Variants in ARSG observed in about 807,000 individuals in gnomAD.
ARSG encodes ASG.
ARSG carries 37 observed loss-of-function variants against 50.5 expected under a neutral mutation model. That is an observed-to-expected ratio of 0.73 (90% CI 0.56 to 0.96). The LOEUF is 0.96. Ranked by LOEUF, ARSG falls within the 50% of genes least tolerant of loss-of-function variation. ARSG has a pLI of 0.00. For missense variants in ARSG, 629 were observed against 675.3 expected, an observed-to-expected ratio of 0.93 and a Z score of 0.76; for synonymous variants, 225 against 254.6, an observed-to-expected ratio of 0.88 and a Z score of 1.11.
rs911513826 is a variant in ARSG at position 68,339,322 on chromosome 17, T to A, written c.219-4282T>A. Among the ~76,000 whole-genome samples, 8 of 151,900 alleles carry A rather than the reference T, an allele frequency of 5.3e-5. No homozygotes were observed. The South Asian group carries it at 6.2e-4, about 12-fold the overall frequency. On this transcript the variant is annotated intron_variant, in intron 2 of 11. Coordinates refer to ENST00000621439, the MANE Select transcript of ARSG (RefSeq NM_001267727.2). ...CAAAAAGAGAAAAATAAATAAAAAT[T>A]AAAATTAAAAAAATAAAAAAGAGGA... is the stretch of plus-strand genomic sequence containing the variant.
At chr17:68,327,088 A>C (rs531778232) in intron 2 of ARSG, among the ~76,000 whole-genome samples, 1 of 152,212 alleles carries the variant, frequency 6.6e-6, no homozygotes, top group Non-Finnish European at 1.5e-5. Context: ...TTGTGATAAT[A>C]GTAGGTTCTG....
intron 4 of ARSG, among the ~76,000 whole-genome samples, chr17:68,347,839 C>T (rs146604348): frequency 3.1e-4 from 47 of 152,322 alleles, no homozygotes; most frequent in African/African-American, 1.1e-3. Flanking sequence ...CTGTCCCTGG[C>T]CCCTTCCTCT....
chr17:68,289,342 T>G (rs2075914043), upstream of ARSG, among the ~76,000 whole-genome samples: 1 of 152,154 alleles, frequency 6.6e-6, no homozygotes, highest in African/African-American at 2.4e-5. Context: ...AAATCCGCTA[T>G]CCTTGGGAGT....
At chr17:68,434,764 T>A in the ARSG span, 3 of 762,282 alleles carry the variant, frequency 3.9e-6, no homozygotes, top group Non-Finnish European at 6.3e-6. Context: ...CATAGAGGCA[T>A]GTTTATTTAT....
the ARSG span, chr17:68,430,140 G>A: frequency 9.9e-6 from 16 of 1,613,580 alleles, no homozygotes; most frequent in Non-Finnish European, 1.2e-5. Context: ...GCCACTCCAG[G>A]TCGAAGGCTC....
intron 11 of ARSG, among the ~76,000 whole-genome samples, chr17:68,402,651 A>C (rs8072967): frequency 0.024 from 3,688 of 151,992 alleles, 152 homozygotes; most frequent in African/African-American, 0.084. Context: ...CAGCCTCCCG[A>C]GTAGCTGGGA....
chr17:68,370,543 G>A lies in ARSG; in HGVS notation c.982+19G>A. 6.2e-7 allele frequency: 1 copy of A among 1,610,564 alleles called. No individual in the cohort carries two copies. Among genetic ancestry groups the A allele is most frequent in the South Asian group, 1.1e-5 (1 of 90,884 alleles). On this transcript the variant is annotated intron_variant, in intron 8 of 11. Transcript: ENST00000621439. ...CGTCAAGGTAAGGGGCTCAGCTGGG[G>A]TTGGTGGATCCCATTGCAATGCTGA...
chr17:68,281,052 G>T (rs1333345948), intron 1 of ARSG, among the ~76,000 whole-genome samples: 1 of 151,736 alleles, frequency 6.6e-6, no homozygotes, highest in East Asian at 1.9e-4. Flanking sequence ...CTTGAATCCA[G>T]GAGGTGGAGG....
the ARSG span, chr17:68,428,722 G>A: frequency 4.7e-6 from 4 of 851,760 alleles, no homozygotes; most frequent in Non-Finnish European, 7.5e-6. Flanking sequence ...GACTGCCAGT[G>A]AAGAACAAAT....
At chr17:68,354,329 G>A (rs1310060972) in intron 5 of ARSG, among the ~76,000 whole-genome samples, 1 of 151,348 alleles carries the variant, frequency 6.6e-6, no homozygotes, top group Non-Finnish European at 1.5e-5. Flanking sequence ...GCTGAGGTGG[G>A]AGGATGGCTT....
intron 3 of ARSG, chr17:68,346,897 C>G (rs1023989473): frequency 1.0e-5 from 15 of 1,464,774 alleles, no homozygotes; most frequent in Non-Finnish European, 1.2e-5. Context: ...CTTCCCCTTT[C>G]ACTGTGGTTT....
chr17:68,427,380 A>C (rs980897665), downstream of ARSG: 38 of 731,068 alleles, frequency 5.2e-5, no homozygotes, highest in Non-Finnish European at 7.9e-5. Context: ...TTTTTGAGGC[A>C]GGGTCTTGCT....
intron 4 of ARSG, among the ~76,000 whole-genome samples, chr17:68,347,885 A>G (rs75071824): frequency 0.011 from 1,681 of 152,052 alleles, 30 homozygotes; most frequent in African/African-American, 0.039. Context: ...TTCTCTGACT[A>G]TTTTGCAGAC....
intron 10 of ARSG, among the ~76,000 whole-genome samples, chr17:68,396,727 T>C (rs2081264896): frequency 6.6e-6 from 1 of 152,228 alleles, no homozygotes; most frequent in Non-Finnish European, 1.5e-5. Flanking sequence ...ATGGGTCTTC[T>C]ATGGGCCATC....
Position 68,331,056 on chromosome 17 carries a change from C to T in ARSG, c.219-12548C>T, listed in dbSNP as rs552287107. The stretch of plus-strand genomic sequence containing the variant: ...CTGGAGTGCAGTGGCATGATCTCAG[C>T]TCACTGCAACATCTGCCTCCTGGGT... On this transcript the variant is annotated intron_variant, in intron 2 of 11. Coordinates refer to ENST00000621439, the MANE Select transcript of ARSG (RefSeq NM_001267727.2). Among the ~76,000 whole-genome samples the T allele has an allele frequency of 2.8e-4, 42 of 149,970 alleles. No homozygotes were observed. In the South Asian group the frequency reaches 8.6e-3, roughly 31 times the overall value.
At chr17:68,419,206 G>T (rs558527192) in intron 11 of ARSG, among the ~76,000 whole-genome samples, 1 of 152,162 alleles carries the variant, frequency 6.6e-6, no homozygotes, top group South Asian at 2.1e-4. Flanking sequence ...TGGTAGTCAA[G>T]AAATCGATTT....
chr17:68,387,250 T>A (rs1434971984), intron 9 of ARSG, among the ~76,000 whole-genome samples: 1 of 152,084 alleles, frequency 6.6e-6, no homozygotes, highest in East Asian at 1.9e-4. Context: ...CATCTCAGCC[T>A]CCCAAGTAGC....
chr17:68,436,233 A>G, the ARSG span: 1 of 698,464 alleles, frequency 1.4e-6, no homozygotes. Flanking sequence ...CCCGAGGGGA[A>G]ATAGTATCAC....
At chr17:68,324,057 AG>A (rs1255004902) in intron 2 of ARSG, among the ~76,000 whole-genome samples, 2 of 143,376 alleles carry the variant, frequency 1.4e-5, no homozygotes, top group African/African-American at 5.3e-5. Context: ...TGGTTAACAG[AG>A]CAAAACTCCA....
Sources: allele counts gnomAD v4.1 joint callset (sites outside exome capture counted in the v4.1 genomes callset), GRCh38; gene constraint gnomAD v4.1.1; transcripts MANE v1.5; gene names NCBI Gene and HGNC (gene_info 2026-07-23, HGNC 2026-07-21).